Variants in DOCK4 observed in about 807,000 individuals in gnomAD.
The protein encoded by DOCK4 is dedicator of cytokinesis 4.
DOCK4 carries 97 observed loss-of-function variants against 268.1 expected under a neutral mutation model. That is an observed-to-expected ratio of 0.36 (90% CI 0.31 to 0.43). DOCK4 has a LOEUF of 0.43. DOCK4 is among the 20% of genes least tolerant of loss of function. DOCK4 has a pLI of 1.00. For synonymous variants in DOCK4, 954 were observed against 887.2 expected, an observed-to-expected ratio of 1.08 and a Z score of -1.34; for missense variants, 2,145 against 2,455.7, an observed-to-expected ratio of 0.87 and a Z score of 2.67.
chr7:111,995,092 C>T (rs1349399090), intron 4 of DOCK4, among the ~76,000 whole-genome samples: 4 of 150,738 alleles, frequency 2.7e-5, no homozygotes, highest in African/African-American at 7.3e-5. Context: ...AGTGCAGTGG[C>T]GCGATCTCGG....
intron 44 of DOCK4, among the ~76,000 whole-genome samples, chr7:111,745,555 G>C (rs1295443546): frequency 6.6e-6 from 1 of 151,772 alleles, no homozygotes; most frequent in Non-Finnish European, 1.5e-5. Flanking sequence ...GTGGTGGCGG[G>C]CACTTGTGGT....
chr7:111,813,605 T>C (rs576517771), intron 27 of DOCK4, among the ~76,000 whole-genome samples: 1 of 152,304 alleles, frequency 6.6e-6, no homozygotes, highest in East Asian at 1.9e-4. Flanking sequence ...TCAGTGAATC[T>C]TATTATTAAA....
intron 17 of DOCK4, among the ~76,000 whole-genome samples, chr7:111,876,359 A>C (rs1806871543): frequency 6.6e-6 from 1 of 152,190 alleles, no homozygotes; most frequent in Non-Finnish European, 1.5e-5. Context: ...GAACTAAGAA[A>C]GAACGAATAA....
intron 42 of DOCK4, among the ~76,000 whole-genome samples, chr7:111,748,307 C>T (rs563874120): frequency 1.4e-4 from 22 of 152,094 alleles, no homozygotes; most frequent in African/African-American, 4.6e-4. Flanking sequence ...ACTGAACATT[C>T]ATCAAAGACA....
intron 1 of DOCK4, among the ~76,000 whole-genome samples, chr7:112,203,735 A>C (rs1821144727): frequency 6.6e-6 from 1 of 152,080 alleles, no homozygotes; most frequent in African/African-American, 2.4e-5. Flanking sequence ...TAAAAGAAAA[A>C]ACAAACAACT....
intron 1 of DOCK4, among the ~76,000 whole-genome samples, chr7:112,178,974 T>C (rs2729545): frequency 0.071 from 10,829 of 152,188 alleles, 818 homozygotes; most frequent in African/African-American, 0.18. Context: ...AGATATAAAA[T>C]GAACCTATGA....
chr7:111,937,737 GA>G (rs997540417), intron 11 of DOCK4, among the ~76,000 whole-genome samples: 1 of 152,192 alleles, frequency 6.6e-6, no homozygotes, highest in Non-Finnish European at 1.5e-5. Context: ...ATAACACCTG[GA>G]AAAATACAAA....
At chr7:112,014,897 C>T (rs911354339) in intron 1 of DOCK4, among the ~76,000 whole-genome samples, 1 of 151,798 alleles carries the variant, frequency 6.6e-6, no homozygotes, top group Non-Finnish European at 1.5e-5. Flanking sequence ...AGAGTGAGAT[C>T]CTGTCTCGAA....
chr7:112,150,821 C>A (rs1563134757), intron 1 of DOCK4, among the ~76,000 whole-genome samples: 1 of 152,178 alleles, frequency 6.6e-6, no homozygotes, highest in Non-Finnish European at 1.5e-5. Flanking sequence ...TATATTCAGA[C>A]ACCATTTCCT....
intron 11 of DOCK4, among the ~76,000 whole-genome samples, 171 bp downstream of exon 11, chr7:111,939,938 AT>A (rs1795069934): frequency 6.6e-6 from 1 of 152,088 alleles, no homozygotes; most frequent in South Asian, 2.1e-4. Flanking sequence ...TGACTGGCAA[AT>A]TGTGGCTTGT....
intron 8 of DOCK4, among the ~76,000 whole-genome samples, chr7:111,959,039 T>A (rs1364185769): frequency 6.6e-6 from 1 of 152,124 alleles, no homozygotes; most frequent in Non-Finnish European, 1.5e-5. Context: ...ACTCCCACAT[T>A]TCATGCACCT....
intron 1 of DOCK4, among the ~76,000 whole-genome samples, chr7:112,140,488 TCTA>T (rs1384559467): frequency 6.6e-6 from 1 of 152,030 alleles, no homozygotes; most frequent in Non-Finnish European, 1.5e-5. Flanking sequence ...TTCTGGCCAG[TCTA>T]CTGTTTTTCA....
chr7:111,951,226 G>GA (rs1399617058), intron 8 of DOCK4, among the ~76,000 whole-genome samples: 1 of 152,052 alleles, frequency 6.6e-6, no homozygotes, highest in Non-Finnish European at 1.5e-5. Context: ...AGCATTCCTG[G>GA]AAAAAATCAT....
intron 12 of DOCK4, among the ~76,000 whole-genome samples, chr7:111,932,449 G>C (rs1794279155): frequency 6.6e-6 from 1 of 152,136 alleles, no homozygotes; most frequent in Non-Finnish European, 1.5e-5. Flanking sequence ...TCTATTCACA[G>C]TTAATAGGCA....
chr7:111,811,695 T>C (rs1032092128), intron 28 of DOCK4, among the ~76,000 whole-genome samples, 179 bp downstream of exon 28: 2 of 152,122 alleles, frequency 1.3e-5, no homozygotes, highest in Non-Finnish European at 2.9e-5. Flanking sequence ...TTTTAAGCGC[T>C]ATGATCTCCT....
intron 27 of DOCK4, among the ~76,000 whole-genome samples, chr7:111,815,598 A>ATTTATTTG (rs1329317246): frequency 3.3e-5 from 5 of 151,626 alleles, no homozygotes; most frequent in African/African-American, 1.2e-4. Context: ...TGATTTATTT[A>ATTTATTTG]TTCATTTATT....
Position 111,863,575 on chromosome 7 carries a change from A to C in DOCK4, c.2281-11T>G, listed in dbSNP as rs1346603553. 2 of 1,584,468 alleles carry C rather than the reference A, an allele frequency of 1.3e-6. No homozygotes were observed. Among genetic ancestry groups the C allele is most frequent in the Admixed American group, 1.8e-5 (1 of 55,942 alleles). ...GCTCAGAAACACAGCCTTAAAAAGA[A>C]GAAGACATTTAAATCAACTCCCAGA... On this transcript the variant is annotated splice_polypyrimidine_tract_variant and intron_variant, in intron 22 of 52. Coordinates refer to ENST00000428084, the MANE Select transcript of DOCK4 (RefSeq NM_001363540.2).
At chr7:111,889,362 A>C (rs1394763004) in intron 16 of DOCK4, among the ~76,000 whole-genome samples, 4 of 152,026 alleles carry the variant, frequency 2.6e-5, no homozygotes, top group African/African-American at 9.7e-5. Flanking sequence ...CTTTTAGAAG[A>C]GTTGGGGGAG....
intron 42 of DOCK4, among the ~76,000 whole-genome samples, chr7:111,748,643 A>G (rs1796434059): frequency 6.6e-6 from 1 of 152,166 alleles, no homozygotes; most frequent in Admixed American, 6.5e-5. Flanking sequence ...CGGACTCTCA[A>G]TTACTGCTAC....
Sources: allele counts gnomAD v4.1 joint callset (sites outside exome capture counted in the v4.1 genomes callset), GRCh38; gene constraint gnomAD v4.1.1; transcripts MANE v1.5; gene names NCBI Gene and HGNC (gene_info 2026-07-23, HGNC 2026-07-21).